Variants in CLSTN2 observed in about 807,000 individuals in gnomAD.
CLSTN2 encodes calsyntenin 2.
Under a neutral mutation model 101.2 loss-of-function variants are expected in CLSTN2, and 48 were observed. The ratio of observed to expected loss-of-function variants is 0.47; its 90% CI spans 0.38 to 0.60. The LOEUF (loss-of-function observed/expected upper bound fraction) is 0.60. Ranked by LOEUF, CLSTN2 falls within the 20% of genes least tolerant of loss-of-function variation. CLSTN2 has a pLI of 0.00. For synonymous variants in CLSTN2, 481 were observed against 463.6 expected (o/e 1.04, Z -0.48); for missense variants, 1,160 against 1,238.2 (o/e 0.94, Z 0.95).
intron 2 of CLSTN2, among the ~76,000 whole-genome samples, chr3:140,311,287 CTTTTTTTTTTTTTTTTTTTTTTTTT>C (rs750088450): frequency 7.3e-4 from 38 of 52,064 alleles, no homozygotes; most frequent in Admixed American, 3.5e-3. Context: ...GTTTATTATC[CTTTTTTTTTTTTTTTTTTTTTTTTT>C]TTTTTTTTTT....
chr3:139,982,063 C>T (rs1935935757), intron 1 of CLSTN2, among the ~76,000 whole-genome samples: 1 of 152,174 alleles, frequency 6.6e-6, no homozygotes, highest in South Asian at 2.1e-4. Flanking sequence ...CTTGCTAATT[C>T]AGCCAATAAT....
chr3:140,121,740 TG>T (rs2009344140), intron 1 of CLSTN2, among the ~76,000 whole-genome samples: 1 of 152,144 alleles, frequency 6.6e-6, no homozygotes, highest in Non-Finnish European at 1.5e-5. Context: ...GCATGAGGCT[TG>T]GCTTAGGTGC....
At chr3:140,490,064 G>A (rs1171520896) in intron 8 of CLSTN2, among the ~76,000 whole-genome samples, 6 of 220 alleles carry the variant, frequency 0.027, no homozygotes, top group Admixed American at 0.042. Flanking sequence ...GTGTGTGTGT[G>A]TGTGTGTGTG....
At chr3:140,329,595 TA>T (rs992554920) in intron 2 of CLSTN2, among the ~76,000 whole-genome samples, 174 of 149,336 alleles carry the variant, frequency 1.2e-3, no homozygotes, top group South Asian at 2.5e-3. Flanking sequence ...CATCTTGAAT[TA>T]AAAAAAAAAA....
chr3:139,937,579 A>G (rs1254709257), intron 1 of CLSTN2, among the ~76,000 whole-genome samples: 1 of 151,354 alleles, frequency 6.6e-6, no homozygotes, highest in African/African-American at 2.4e-5. Context: ...TCTACTAAAA[A>G]AAAAAAAAAA....
chr3:140,115,333 T>C (rs529775412), intron 1 of CLSTN2, among the ~76,000 whole-genome samples: 20 of 152,282 alleles, frequency 1.3e-4, no homozygotes, highest in South Asian at 6.2e-4. Flanking sequence ...TCTGTGTGTG[T>C]TTACAGTGTT....
intron 10 of CLSTN2, among the ~76,000 whole-genome samples, chr3:140,555,583 G>A (rs1935775916): frequency 6.6e-6 from 1 of 152,104 alleles, no homozygotes; most frequent in Admixed American, 6.5e-5. Flanking sequence ...AAGTTAGGTA[G>A]CTACTTAAAA....
chr3:140,136,284 C>A (rs2009614840), intron 1 of CLSTN2, among the ~76,000 whole-genome samples: 1 of 152,162 alleles, frequency 6.6e-6, no homozygotes, highest in Non-Finnish European at 1.5e-5. Flanking sequence ...AGAGGATAGG[C>A]TGTAAAATTA....
At position 140,448,641 on chromosome 3, in the gene CLSTN2, A is replaced by G; in HGVS notation, c.910A>G (p.Asn304Asp). Residue 304 changes from asparagine to aspartate, a missense_variant, in exon 6 of 17, where the codon AAT (asparagine) becomes GAT (aspartate). Transcript: ENST00000458420. ...SLQIVTELQT[N>D]YIGKGCDRET... ...CCAGATCGTCACAGAGCTGCAGACT[A>G]ATTACATTGGGAAGGGTTGTGACCG... The G allele has an allele frequency of 6.2e-7, 1 of 1,614,078 alleles. No individual in the cohort carries two copies. The highest frequency in any genetic ancestry group is 1.3e-5 in the African/African-American group (1 of 75,016).
intron 1 of CLSTN2, among the ~76,000 whole-genome samples, chr3:139,944,504 GC>G (rs1277477360): frequency 1.3e-5 from 2 of 152,224 alleles, no homozygotes; most frequent in African/African-American, 4.8e-5. Context: ...CCAGGTGGGG[GC>G]TGTGCTCCTC....
chr3:139,999,419 G>A (rs1248291597), intron 1 of CLSTN2, among the ~76,000 whole-genome samples: 1 of 151,878 alleles, frequency 6.6e-6, no homozygotes, highest in Non-Finnish European at 1.5e-5. Flanking sequence ...TGACTTCTGG[G>A]GAACCTGGGA....
intron 1 of CLSTN2, among the ~76,000 whole-genome samples, chr3:140,157,130 T>A (rs955476299): frequency 1.3e-5 from 2 of 152,164 alleles, no homozygotes; most frequent in Non-Finnish European, 2.9e-5. Context: ...TCTTTATTTT[T>A]TTAAAGAAAA....
intron 2 of CLSTN2, among the ~76,000 whole-genome samples, chr3:140,333,543 C>T (rs768558358): frequency 6.6e-6 from 1 of 152,126 alleles, no homozygotes; most frequent in African/African-American, 2.4e-5. Context: ...CCCTTGTTTC[C>T]TCTTTTCCAC....
Position 140,371,961 on chromosome 3 carries a change from G to C in CLSTN2, c.233-31668G>C, listed in dbSNP as rs531967860. The stretch of plus-strand genomic sequence containing the variant: ...AGGCCAGAGAGACCAAGCCAGTAAC[G>C]ACTGCGTGGCAACTGGGTTTGTAAC... On this transcript the variant is annotated intron_variant, in intron 2 of 16. Coordinates refer to ENST00000458420, the MANE Select transcript of CLSTN2 (RefSeq NM_022131.3). Among the ~76,000 whole-genome samples the C allele has an allele frequency of 9.2e-5, 14 of 152,280 alleles. No homozygotes were observed. The South Asian group carries it at 2.7e-3, about 29-fold the overall frequency.
At chr3:140,327,896 A>G (rs1482482247) in intron 2 of CLSTN2, among the ~76,000 whole-genome samples, 1 of 152,234 alleles carries the variant, frequency 6.6e-6, no homozygotes, top group Non-Finnish European at 1.5e-5. Context: ...ATGAAAATGT[A>G]CTTAGAAACC....
At chr3:140,044,590 G>A (rs1553793626) in intron 1 of CLSTN2, among the ~76,000 whole-genome samples, 6 of 152,132 alleles carry the variant, frequency 3.9e-5, no homozygotes, top group Non-Finnish European at 1.5e-5. Context: ...GTGAGAGAGG[G>A]CATCCCTGTC....
At chr3:140,499,901 A>G (rs974176990) in intron 8 of CLSTN2, among the ~76,000 whole-genome samples, 3 of 151,934 alleles carry the variant, frequency 2.0e-5, no homozygotes, top group African/African-American at 7.3e-5. Context: ...CGTCTCTACT[A>G]AAAAATACAA....
chr3:140,547,141 G>C (rs1241694119), intron 10 of CLSTN2, among the ~76,000 whole-genome samples: 1 of 152,194 alleles, frequency 6.6e-6, no homozygotes, highest in East Asian at 1.9e-4. Flanking sequence ...AGCAGGTATG[G>C]AGGTCATTCT....
At chr3:139,996,179 T>C (rs1411559302) in intron 1 of CLSTN2, among the ~76,000 whole-genome samples, 2 of 152,210 alleles carry the variant, frequency 1.3e-5, no homozygotes, top group African/African-American at 4.8e-5. Context: ...TTGGTTTTAC[T>C]TGTGCTGAAC....
Sources: allele counts gnomAD v4.1 joint callset (sites outside exome capture counted in the v4.1 genomes callset), GRCh38; gene constraint gnomAD v4.1.1; transcripts MANE v1.5; gene names NCBI Gene and HGNC (gene_info 2026-07-23, HGNC 2026-07-21).